Variants in PLGRKT observed in about 807,000 individuals in gnomAD.
PLGRKT encodes the protein plasminogen receptor (KT).
A neutral mutation model predicts 18.5 loss-of-function variants in PLGRKT; 22 were observed. That is an observed-to-expected ratio of 1.19 (90% confidence interval 0.85 to 1.70). The LOEUF (loss-of-function observed/expected upper bound fraction) is 1.70, where lower values mean the gene tolerates loss of function less well. PLGRKT is among the 40% of genes most tolerant of loss of function. The pLI is 0.00. For synonymous variants in PLGRKT, 72 were observed against 52.8 expected (o/e 1.36, Z -1.58); for missense variants, 235 against 174.4 (o/e 1.35, Z -1.96).
intron 3 of PLGRKT, among the ~76,000 whole-genome samples, chr9:5,400,771 C>T (rs1451220536): frequency 2.0e-5 from 3 of 151,930 alleles, no homozygotes; most frequent in Non-Finnish European, 4.4e-5. Flanking sequence ...CAGTATTATT[C>T]TCTTTGGGGT....
intron 3 of PLGRKT, among the ~76,000 whole-genome samples, chr9:5,386,383 T>C (rs1003261977): frequency 2.6e-5 from 4 of 151,840 alleles, no homozygotes; most frequent in African/African-American, 7.3e-5. Flanking sequence ...CCAGGGGATA[T>C]TTGGCAGTGT....
chr9:5,403,351 G>C (rs533099068), intron 3 of PLGRKT, among the ~76,000 whole-genome samples: 1 of 149,326 alleles, frequency 6.7e-6, no homozygotes, highest in Non-Finnish European at 1.5e-5. Flanking sequence ...AGCCTCCTGA[G>C]TAGCTGGGAT....
intron 3 of PLGRKT, among the ~76,000 whole-genome samples, chr9:5,409,032 A>C (rs1818310127): frequency 6.6e-6 from 1 of 152,218 alleles, no homozygotes; most frequent in Non-Finnish European, 1.5e-5. Flanking sequence ...GATGTATGGA[A>C]AAGTCTGGAT....
Position 5,418,603 on chromosome 9 carries a change from C to T in PLGRKT, c.81+13294G>A, listed in dbSNP as rs1352310791. The T allele has an allele frequency of 3.9e-5, 29 of 737,392 alleles. No individual in the cohort carries two copies. The highest frequency in any genetic ancestry group is 2.0e-4 in the Admixed American group (11 of 54,876). The allele number at this position is 737,392 out of a possible 1,614,324, so 45.7% of individuals were successfully genotyped here. ...GGTCACCACAGTGACGGACTTCTGC[C>T]GGTTCCTGGGCAGCAGGTGGCGGCT... On this transcript the variant is annotated intron_variant, in intron 3 of 5. Transcript: ENST00000223864. The surrounding 1 kb of genome is among the most constrained non-coding windows in gnomAD (Gnocchi z 4.2).
chr9:5,409,453 A>T (rs760609299), intron 3 of PLGRKT, among the ~76,000 whole-genome samples: 1 of 152,280 alleles, frequency 6.6e-6, no homozygotes, highest in South Asian at 2.1e-4. Context: ...TGGAACTCGG[A>T]CTGGCTATCC....
At chr9:5,421,659 CTGTGTGCTAAATTCT>C (rs1818577575) in intron 3 of PLGRKT, among the ~76,000 whole-genome samples, 1 of 152,216 alleles carries the variant, frequency 6.6e-6, no homozygotes, top group African/African-American at 2.4e-5. Context: ...GGGGCAGATG[CTGTGTGCTAAATTCT>C]TGTATGTGGG....
At chr9:5,359,554 T>C (rs1371119116) in intron 5 of PLGRKT, among the ~76,000 whole-genome samples, 9 of 152,234 alleles carry the variant, frequency 5.9e-5, no homozygotes, top group Admixed American at 5.9e-4. Flanking sequence ...AGAGCCTTTC[T>C]TCCAGTTGGT....
chr9:5,435,660 A>G (rs998841117), intron 2 of PLGRKT, among the ~76,000 whole-genome samples: 1 of 152,234 alleles, frequency 6.6e-6, no homozygotes, highest in South Asian at 2.1e-4. Context: ...TCTTAATCCA[A>G]CTGGGTGGGT....
intron 3 of PLGRKT, among the ~76,000 whole-genome samples, chr9:5,386,883 C>G (rs887464173): frequency 6.6e-6 from 1 of 151,962 alleles, no homozygotes; most frequent in African/African-American, 2.4e-5. Flanking sequence ...CTCACCAGGT[C>G]TTGCCCAGAC....
intron 3 of PLGRKT, among the ~76,000 whole-genome samples, chr9:5,406,952 CTTT>C (rs971465170): frequency 1.3e-4 from 20 of 152,106 alleles, no homozygotes; most frequent in Admixed American, 3.3e-4. Context: ...TCTCACTGTG[CTTT>C]TTGTTTGTGT....
In PLGRKT at chr9:5,418,588, G is replaced by C. The variant is rs1818510224; in HGVS notation, c.81+13309C>G. 1 of 755,420 alleles carries C rather than the reference G, an allele frequency of 1.3e-6. No individual in the cohort carries two copies. Among genetic ancestry groups the C allele is most frequent in the African/African-American group, 1.7e-5 (1 of 58,278 alleles). 46.8% of individuals were successfully genotyped at this position (755,420 alleles called of 1,614,324 possible). A position where few individuals can be genotyped will look rare whatever the true frequency, so the allele number is the denominator to read the frequency against. On this transcript the variant is annotated intron_variant, in intron 3 of 5. Coordinates refer to ENST00000223864, the MANE Select transcript of PLGRKT (RefSeq NM_018465.4). This position sits in a 1 kb window ranked among gnomAD's most constrained non-coding sequence, Gnocchi z 4.2. ...CTGTCCAGCAGGGATGGTCACCACA[G>C]TGACGGACTTCTGCCGGTTCCTGGG...
intron 3 of PLGRKT, among the ~76,000 whole-genome samples, chr9:5,367,312 G>C (rs556162096): frequency 1.3e-5 from 2 of 152,048 alleles, no homozygotes; most frequent in East Asian, 1.9e-4. Context: ...AAAGAACAAA[G>C]CCAGAGGCAT....
intron 3 of PLGRKT, among the ~76,000 whole-genome samples, chr9:5,409,550 C>T (rs759815765): frequency 6.6e-6 from 1 of 152,146 alleles, no homozygotes; most frequent in Non-Finnish European, 1.5e-5. Flanking sequence ...TATATATACC[C>T]AGAGTGGTAG....
In PLGRKT at chr9:5,377,855, G is replaced by C. The variant is rs368236868; in HGVS notation, c.82-15967C>G. ...TTATTCTAGGGGATGGGGTCTGAAAGAGAAGAGCTGATATCGAGGCAATTC... is the reference window on the plus strand; with the variant it reads ...TTATTCTAGGGGATGGGGTCTGAAACAGAAGAGCTGATATCGAGGCAATTC... On this transcript the variant is annotated intron_variant, in intron 3 of 5. Coordinates refer to ENST00000223864, the MANE Select transcript of PLGRKT (RefSeq NM_018465.4). Among the ~76,000 whole-genome samples, 14 of 152,326 alleles carry C rather than the reference G, an allele frequency of 9.2e-5. 1 individual carries two copies. The highest frequency in any genetic ancestry group is 7.7e-4 in the East Asian group (4 of 5,192).
Position 5,418,417 on chromosome 9 carries a change from T to A in PLGRKT, c.81+13480A>T. The A allele has an allele frequency of 1.2e-6, 1 of 859,070 alleles. No individual in the cohort carries two copies. Among genetic ancestry groups the A allele is most frequent in the African/African-American group, 1.7e-5 (1 of 60,166 alleles). 53.2% of individuals were successfully genotyped at this position (859,070 alleles called of 1,614,324 possible). A position where few individuals can be genotyped will look rare whatever the true frequency, so the allele number is the denominator to read the frequency against. On this transcript the variant is annotated intron_variant, in intron 3 of 5. Transcript: ENST00000223864. This position sits in a 1 kb window ranked among gnomAD's most constrained non-coding sequence, Gnocchi z 4.2. The stretch of plus-strand genomic sequence containing the variant: ...GCGCTTAGAAATGCAGGACATGTTA[T>A]GGAGCACGATGCTGAGGAGGAAGAC...
intron 3 of PLGRKT, among the ~76,000 whole-genome samples, chr9:5,368,762 T>C (rs901370651): frequency 6.6e-6 from 1 of 152,140 alleles, no homozygotes; most frequent in Non-Finnish European, 1.5e-5. Flanking sequence ...AACGGATATA[T>C]AGACCAATGG....
intron 3 of PLGRKT, among the ~76,000 whole-genome samples, chr9:5,397,560 G>A (rs987276974): frequency 5.3e-5 from 8 of 151,460 alleles, no homozygotes; most frequent in African/African-American, 1.7e-4. Flanking sequence ...AGGGAGGGAA[G>A]GAAAGAAAGA....
intron 3 of PLGRKT, among the ~76,000 whole-genome samples, chr9:5,413,405 A>G (rs887892243): frequency 6.6e-6 from 1 of 152,214 alleles, no homozygotes; most frequent in Non-Finnish European, 1.5e-5. Context: ...AGGACTTTGT[A>G]GATCTGACTC....
intron 3 of PLGRKT, among the ~76,000 whole-genome samples, chr9:5,382,887 G>A (rs1449282960): frequency 6.6e-6 from 1 of 152,156 alleles, no homozygotes; most frequent in Admixed American, 6.5e-5. Flanking sequence ...GAATGTGGGT[G>A]GAGAAGGAAG....
Sources: allele counts gnomAD v4.1 joint callset (sites outside exome capture counted in the v4.1 genomes callset), GRCh38; gene constraint gnomAD v4.1.1; non-coding constraint Gnocchi (gnomAD v3.1); transcripts MANE v1.5; gene names NCBI Gene and HGNC (gene_info 2026-07-23, HGNC 2026-07-21).